The following NHERF1 variants were observed in gnomAD, a reference collection of about 807,000 sequenced individuals.
The protein encoded by NHERF1 is NHERF family PDZ scaffold protein 1.
the NHERF1 span, among the ~76,000 whole-genome samples, chr17:74,767,238 C>A: frequency 6.6e-6 from 1 of 152,232 alleles, no homozygotes; most frequent in African/African-American, 2.4e-5. Flanking sequence ...CCGCCTCCAA[C>A]TCCCCACCAT....
the NHERF1 span, chr17:74,766,825 G>T: frequency 6.7e-6 from 7 of 1,041,966 alleles, no homozygotes; most frequent in Non-Finnish European, 1.1e-5. Context: ...AGTTTGAGAT[G>T]TTGACCCAGG....
At chr17:74,752,363 C>A in the NHERF1 span, among the ~76,000 whole-genome samples, 1 of 152,014 alleles carries the variant, frequency 6.6e-6, no homozygotes, top group African/African-American at 2.4e-5. Flanking sequence ...CTCCCTACCC[C>A]CAAAACCACA....
chr17:74,765,480 G>A, the NHERF1 span, among the ~76,000 whole-genome samples: 13 of 151,148 alleles, frequency 8.6e-5, no homozygotes, highest in Non-Finnish European at 1.3e-4. Flanking sequence ...GGATGGTCTC[G>A]ATCTCTTGAC....
the NHERF1 span, among the ~76,000 whole-genome samples, chr17:74,752,225 A>G: frequency 6.6e-6 from 1 of 151,910 alleles, no homozygotes; most frequent in Non-Finnish European, 1.5e-5. Flanking sequence ...GCCTGAGCCC[A>G]GGAGTTTGAG....
the NHERF1 span, among the ~76,000 whole-genome samples, chr17:74,755,499 A>C: frequency 2.0e-5 from 3 of 152,316 alleles, no homozygotes; most frequent in South Asian, 6.2e-4. Context: ...CCTAGGCCCT[A>C]GAAAAGGACA....
chr17:74,749,399 A>G, the NHERF1 span: 1 of 1,080,682 alleles, frequency 9.3e-7, no homozygotes, highest in Admixed American at 2.9e-5. This position sits in a 1 kb window ranked among gnomAD's most constrained non-coding sequence, Gnocchi z 5.6. Context: ...CTGAAACTCG[A>G]GCTGCGAGGG....
chr17:74,758,461 C>T, the NHERF1 span, among the ~76,000 whole-genome samples: 3 of 152,188 alleles, frequency 2.0e-5, no homozygotes, highest in African/African-American at 7.2e-5. This position sits in a 1 kb window ranked among gnomAD's most constrained non-coding sequence, Gnocchi z 4.3. Flanking sequence ...GGCCCAGCTG[C>T]GCTGCCCATC....
chr17:74,763,460 A>G, the NHERF1 span: 19 of 1,613,276 alleles, frequency 1.2e-5, no homozygotes, highest in Non-Finnish European at 1.6e-5. Flanking sequence ...GGTGGTGGAC[A>G]GGGAAACTGA....
chr17:74,769,239 C>G, the NHERF1 span: 1 of 152,992 alleles, frequency 6.5e-6, no homozygotes, highest in African/African-American at 2.4e-5. Context: ...TGTTCCTACT[C>G]CCACCCTCAG....
chr17:74,753,502 C>G, the NHERF1 span, among the ~76,000 whole-genome samples: 1 of 152,172 alleles, frequency 6.6e-6, no homozygotes, highest in African/African-American at 2.4e-5. Context: ...GTTGGGATCT[C>G]TTTCTTTGCT....
At chr17:74,763,315 G>T in the NHERF1 span, 24 of 1,572,562 alleles carry the variant, frequency 1.5e-5, no homozygotes, top group African/African-American at 4.0e-5. Context: ...CCACTTACCT[G>T]CCCCAGAACC....
At chr17:74,755,743 C>A in the NHERF1 span, among the ~76,000 whole-genome samples, 3 of 152,286 alleles carry the variant, frequency 2.0e-5, no homozygotes, top group South Asian at 6.2e-4. Flanking sequence ...GTCCGGGCAG[C>A]AGCCACCAGC....
At chr17:74,768,885 G>C in the NHERF1 span, 1 of 565,004 alleles carries the variant, frequency 1.8e-6, no homozygotes, top group Non-Finnish European at 3.2e-6. Context: ...CCTCCTCACT[G>C]AGTGCCTCAT....
At chr17:74,762,127 C>G in the NHERF1 span, 5 of 1,614,028 alleles carry the variant, frequency 3.1e-6, no homozygotes, top group African/African-American at 4.0e-5. The surrounding 1 kb of genome is among the most constrained non-coding windows in gnomAD (Gnocchi z 4.2). Flanking sequence ...GACCCAGACT[C>G]CCCGGCTGAG....
At chr17:74,766,811 A>G in the NHERF1 span, 3 of 967,266 alleles carry the variant, frequency 3.1e-6, no homozygotes, top group Non-Finnish European at 5.0e-6. Context: ...GTGGTAGTCA[A>G]AAAAGTTTGA....
chr17:74,756,417 C>T, the NHERF1 span, among the ~76,000 whole-genome samples: 4 of 150,994 alleles, frequency 2.6e-5, no homozygotes, highest in African/African-American at 9.8e-5. Context: ...TAGCTGGGAC[C>T]ACAGGTGTGC....
At chr17:74,750,552 AG>A in the NHERF1 span, among the ~76,000 whole-genome samples, 7 of 152,118 alleles carry the variant, frequency 4.6e-5, no homozygotes, top group African/African-American at 1.7e-4. Context: ...CAGGGCCACC[AG>A]GCTCCCACTT....
chr17:74,759,413 G>T, the NHERF1 span, among the ~76,000 whole-genome samples: 1 of 152,222 alleles, frequency 6.6e-6, no homozygotes, highest in African/African-American at 2.4e-5. Context: ...CTGGGCTGAA[G>T]ATCAGTAAGG....
At chr17:74,748,898 G>A in the NHERF1 span, 57 of 1,599,368 alleles carry the variant, frequency 3.6e-5, no homozygotes, top group African/African-American at 6.8e-4. The surrounding 1 kb of genome is among the most constrained non-coding windows in gnomAD (Gnocchi z 4.3). Flanking sequence ...CTGCTGCCTG[G>A]AGAAGGGTCC....
Sources: gnomAD v4.1 joint callset for allele counts (sites outside exome capture counted in the v4.1 genomes callset) on GRCh38, gnomAD v4.1.1 for gene constraint, Gnocchi (gnomAD v3.1) non-coding constraint, MANE v1.5 for transcripts, NCBI Gene and HGNC (gene_info 2026-07-23, HGNC 2026-07-21) for gene names.